The following SPOCK3 variants were observed in gnomAD, a reference collection of about 807,000 sequenced individuals.
SPOCK3 encodes testican-3.
Under a neutral mutation model 56.6 loss-of-function variants are expected in SPOCK3, and 30 were observed. The ratio of observed to expected loss-of-function variants is 0.53; its 90% CI spans 0.40 to 0.72. The LOEUF (loss-of-function observed/expected upper bound fraction) is 0.72, where lower values mean the gene tolerates loss of function less well. Ranked by LOEUF, SPOCK3 falls within the 30% of genes least tolerant of loss-of-function variation. The pLI is 0.00. For missense variants in SPOCK3, 527 were observed against 530.0 expected, an observed-to-expected ratio of 0.99 and a Z score of 0.06; for synonymous variants, 196 against 183.3, an observed-to-expected ratio of 1.07 and a Z score of -0.56.
At chr4:166,824,313 G>C (rs572491391) in intron 6 of SPOCK3, among the ~76,000 whole-genome samples, 1 of 152,172 alleles carries the variant, frequency 6.6e-6, no homozygotes, top group Non-Finnish European at 1.5e-5. Flanking sequence ...AACTAAAAAA[G>C]TAGAGCCTTT....
chr4:167,050,007 T>G (rs2150218025), intron 3 of SPOCK3, among the ~76,000 whole-genome samples: 1 of 152,314 alleles, frequency 6.6e-6, no homozygotes, highest in South Asian at 2.1e-4. Context: ...CACCACTTAC[T>G]AGCTTTGTAT....
intron 4 of SPOCK3, among the ~76,000 whole-genome samples, chr4:166,965,847 T>C (rs932261731): frequency 2.0e-5 from 3 of 152,100 alleles, no homozygotes; most frequent in Admixed American, 2.0e-4. Flanking sequence ...TATTGACACA[T>C]TATAATCACA....
intron 3 of SPOCK3, among the ~76,000 whole-genome samples, chr4:167,016,852 T>G (rs1750677724): frequency 6.6e-6 from 1 of 152,078 alleles, no homozygotes. Context: ...GCAAGTTAAT[T>G]ACTTTGAGAT....
intron 2 of SPOCK3, among the ~76,000 whole-genome samples, chr4:167,087,158 T>C (rs190807892): frequency 3.3e-4 from 50 of 152,232 alleles, no homozygotes; most frequent in Non-Finnish European, 7.4e-5. Flanking sequence ...AACTTAAAAT[T>C]TTTTACTCAT....
At chr4:166,948,399 T>G (rs1159149944) in intron 4 of SPOCK3, among the ~76,000 whole-genome samples, 1 of 152,186 alleles carries the variant, frequency 6.6e-6, no homozygotes, top group Admixed American at 6.5e-5. Context: ...CTGGATCATA[T>G]GGTAATTCAA....
intron 4 of SPOCK3, among the ~76,000 whole-genome samples, chr4:166,971,456 T>A (rs1158605947): frequency 1.6e-4 from 24 of 152,258 alleles, no homozygotes; most frequent in Non-Finnish European, 2.5e-4. Context: ...TCTGTGGCTT[T>A]TAACATGTCT....
At chr4:166,847,695 C>CT (rs1271278507) in intron 6 of SPOCK3, among the ~76,000 whole-genome samples, 5 of 66,378 alleles carry the variant, frequency 7.5e-5, no homozygotes, top group Non-Finnish European at 1.5e-4. Context: ...ATCATGTTTA[C>CT]TTTTTTTTAC....
chr4:167,153,934 G>C (rs913560155), intron 2 of SPOCK3, among the ~76,000 whole-genome samples: 1 of 151,584 alleles, frequency 6.6e-6, no homozygotes, highest in Non-Finnish European at 1.5e-5. Flanking sequence ...CACTGTCAGA[G>C]CCTTCCTTTC....
chr4:166,833,462 AG>A (rs1266998822), intron 6 of SPOCK3, among the ~76,000 whole-genome samples: 1 of 152,138 alleles, frequency 6.6e-6, no homozygotes, highest in African/African-American at 2.4e-5. Flanking sequence ...CAGCTCTAAT[AG>A]TGGGTATGTG....
At chr4:166,750,225 C>A (rs1176204890) in intron 8 of SPOCK3, among the ~76,000 whole-genome samples, 1 of 152,108 alleles carries the variant, frequency 6.6e-6, no homozygotes, top group Non-Finnish European at 1.5e-5. Flanking sequence ...TCTTAGAGCA[C>A]TTAACTGAGA....
rs534225965 is a variant in SPOCK3 at position 167,233,338 on chromosome 4, C to T, written c.189+647G>A. Among the ~76,000 whole-genome samples the T allele has an allele frequency of 3.3e-5, 5 of 152,298 alleles. No homozygotes were observed. The East Asian group carries it at 9.7e-4, about 29-fold the overall frequency. ...CTGTCACCTGCAATCCTCCCGCCCT[C>T]GCAACCTCTTCCCGCAGAGTTCAAG... is the stretch of plus-strand genomic sequence containing the variant. On this transcript the variant is annotated intron_variant, in intron 2 of 10. Transcript: ENST00000357545.
chr4:166,907,142 AG>A (rs1736714749), intron 5 of SPOCK3, among the ~76,000 whole-genome samples: 1 of 152,244 alleles, frequency 6.6e-6, no homozygotes, highest in Middle Eastern at 3.4e-3. Flanking sequence ...CCATATTGCA[AG>A]ATCAAAACAC....
intron 2 of SPOCK3, among the ~76,000 whole-genome samples, chr4:167,199,187 G>T (rs1733255917): frequency 6.6e-6 from 1 of 151,646 alleles, no homozygotes; most frequent in African/African-American, 2.4e-5. Flanking sequence ...TTTCAAGGAA[G>T]TATATTAGTT....
At chr4:166,819,922 A>G (rs114517869) in intron 6 of SPOCK3, among the ~76,000 whole-genome samples, 5 of 151,980 alleles carry the variant, frequency 3.3e-5, no homozygotes, top group African/African-American at 1.2e-4. Flanking sequence ...GAGTCTAGCT[A>G]TATTGCCTAG....
chr4:167,175,066 C>T (rs1318055223), intron 2 of SPOCK3, among the ~76,000 whole-genome samples: 1 of 152,048 alleles, frequency 6.6e-6, no homozygotes, highest in Non-Finnish European at 1.5e-5. Flanking sequence ...GCAGAATTAT[C>T]GGGGATGCTC....
At chr4:166,753,749 T>A (rs1221829769) in intron 8 of SPOCK3, among the ~76,000 whole-genome samples, 1 of 152,050 alleles carries the variant, frequency 6.6e-6, no homozygotes, top group Non-Finnish European at 1.5e-5. Context: ...TAAATTAACA[T>A]CAACATTACA....
chr4:167,021,807 T>C (rs1751211351), intron 3 of SPOCK3, among the ~76,000 whole-genome samples: 1 of 151,942 alleles, frequency 6.6e-6, no homozygotes. Flanking sequence ...CCCACGGAGT[T>C]CTCAAACAAC....
chr4:167,011,378 C>A (rs559357979), intron 3 of SPOCK3: 4 of 447,516 alleles, frequency 8.9e-6, no homozygotes, highest in Non-Finnish European at 1.8e-5. Context: ...AAAATACTTT[C>A]CTTTTCTATT....
chr4:166,904,172 C>T (rs1736363938), intron 5 of SPOCK3, among the ~76,000 whole-genome samples: 1 of 151,510 alleles, frequency 6.6e-6, no homozygotes, highest in Admixed American at 6.6e-5. Flanking sequence ...AGTTCTATCC[C>T]CGATGAACTA....
Sources: gnomAD v4.1 joint callset for allele counts (sites outside exome capture counted in the v4.1 genomes callset) on GRCh38, gnomAD v4.1.1 for gene constraint, MANE v1.5 for transcripts, NCBI Gene and HGNC (gene_info 2026-07-23, HGNC 2026-07-21) for gene names.